The following USP48 variants were observed in gnomAD, a reference collection of about 807,000 sequenced individuals.
The protein encoded by USP48 is ubiquitin carboxyl-terminal hydrolase 48.
In USP48, 43 loss-of-function variants were observed where a neutral mutation model predicts 150.7. That is an observed-to-expected ratio of 0.29 (90% CI 0.22 to 0.37). The LOEUF is 0.37. Ranked by LOEUF, USP48 falls within the 10% of genes least tolerant of loss-of-function variation. The pLI, the probability that USP48 is intolerant of heterozygous loss-of-function variation, is 1.00. For missense variants in USP48, 813 were observed against 1,249.6 expected (o/e 0.65, Z 5.27); for synonymous variants, 396 against 425.9 (o/e 0.93, Z 0.86).
chr1:21,694,608 C>CA (rs1491189889), intron 23 of USP48, among the ~76,000 whole-genome samples: 322 of 29,008 alleles, frequency 0.011, 14 homozygotes, highest in African/African-American at 0.032. Context: ...AAAAAAAAAA[C>CA]CCCCTCTATC....
intron 22 of USP48, among the ~76,000 whole-genome samples, chr1:21,700,384 G>C (rs1432438648): frequency 2.6e-5 from 4 of 152,036 alleles, no homozygotes; most frequent in South Asian, 2.1e-4. Flanking sequence ...CCTTTACACC[G>C]GTTGGGAAAC....
chr1:21,697,162 A>C (rs968153074), intron 22 of USP48, among the ~76,000 whole-genome samples: 1 of 152,094 alleles, frequency 6.6e-6, no homozygotes, highest in African/African-American at 2.4e-5. Context: ...GCAGAAGGTG[A>C]TCAAGACCCA....
chr1:21,685,975 G>C (rs752510134), intron 25 of USP48: 1 of 152,078 alleles, frequency 6.6e-6, no homozygotes, highest in Non-Finnish European at 1.5e-5. Context: ...AAATTAGCTG[G>C]GTGTCATGGC....
At chr1:21,737,775 T>A (rs2097771817) in intron 8 of USP48, among the ~76,000 whole-genome samples, 1 of 152,216 alleles carries the variant, frequency 6.6e-6, no homozygotes, top group Non-Finnish European at 1.5e-5. Flanking sequence ...CTATATATAA[T>A]TACCATAATA....
intron 21 of USP48, among the ~76,000 whole-genome samples, chr1:21,701,819 A>G (rs2097657829): frequency 6.6e-6 from 1 of 152,194 alleles, no homozygotes. Flanking sequence ...TTCTTGTAGT[A>G]TTTAATGTGC....
At position 21,767,981 on chromosome 1, in the gene USP48, G is replaced by A. The variant is rs189280947; in HGVS notation, c.135-10198C>T. The stretch of plus-strand genomic sequence containing the variant: ...CCAGCACTCTGGGAGGCCGAGGCGG[G>A]TGGATCACAAGGTCAGGAGATCGAG... On this transcript the variant is annotated intron_variant, in intron 1 of 26. Coordinates refer to ENST00000308271, the MANE Select transcript of USP48 (RefSeq NM_032236.8). Among the ~76,000 whole-genome samples, 598 of 152,276 alleles carry A rather than the reference G, an allele frequency of 3.9e-3. 3 individuals carry two copies. Among genetic ancestry groups the A allele is most frequent in the Non-Finnish European group, 7.3e-3 (495 of 68,020 alleles).
At chr1:21,691,239 A>G (rs2097598926) in intron 23 of USP48, among the ~76,000 whole-genome samples, 1 of 149,724 alleles carries the variant, frequency 6.7e-6, no homozygotes, top group South Asian at 2.1e-4. Flanking sequence ...GCTTGAACCC[A>G]GGAGATGGAG....
chr1:21,742,202 G>A (rs529832629), intron 8 of USP48, among the ~76,000 whole-genome samples: 10 of 152,172 alleles, frequency 6.6e-5, no homozygotes, highest in African/African-American at 1.9e-4. Flanking sequence ...TCATGTTAAA[G>A]GTGAGCCAGA....
chr1:21,731,340 T>G lies in USP48; in HGVS notation c.1172-1508A>C, dbSNP rs1180671635. 3.9e-5 allele frequency among the ~76,000 whole-genome samples: 6 copies of G among 151,934 alleles called. No individual in the cohort carries two copies. In the East Asian group the frequency reaches 1.2e-3, roughly 30 times the overall value. On this transcript the variant is annotated intron_variant, in intron 9 of 26. Transcript: ENST00000308271. ...GTGGAATGGCACGATCTCAGTGTAC[T>G]GCAATCTCTGCCTCCCAGGTTCAAG...
At chr1:21,683,151 C>A (rs973677015) in intron 25 of USP48, among the ~76,000 whole-genome samples, 6 of 152,136 alleles carry the variant, frequency 3.9e-5, no homozygotes, top group African/African-American at 1.4e-4. Flanking sequence ...GTCCCAGCTA[C>A]TACTCAGGAG....
intron 15 of USP48, among the ~76,000 whole-genome samples, chr1:21,708,315 A>G (rs2097679111): frequency 6.6e-6 from 1 of 152,154 alleles, no homozygotes; most frequent in Non-Finnish European, 1.5e-5. Flanking sequence ...CCTGGCCAAC[A>G]TGGCGAAACC....
intron 1 of USP48, among the ~76,000 whole-genome samples, chr1:21,761,016 C>T (rs1209263999): frequency 6.6e-6 from 1 of 151,470 alleles, no homozygotes; most frequent in Non-Finnish European, 1.5e-5. Context: ...ACTGCTTGAG[C>T]CCAGCAGGGT....
At chr1:21,702,886 T>G (rs990255882) in intron 21 of USP48, among the ~76,000 whole-genome samples, 5 of 152,236 alleles carry the variant, frequency 3.3e-5, no homozygotes, top group Non-Finnish European at 7.3e-5. Context: ...GCAGCACAGA[T>G]ACAGAACCTA....
intron 14 of USP48, among the ~76,000 whole-genome samples, chr1:21,717,402 T>TA (rs945817908): frequency 7.3e-4 from 110 of 149,880 alleles, no homozygotes; most frequent in African/African-American, 2.3e-3. Context: ...AGATCCTGTC[T>TA]AAAAAAACAA....
chr1:21,682,599 AGGCGTAGTGGCTCAC>A (rs1336409627), intron 25 of USP48, among the ~76,000 whole-genome samples: 9 of 152,144 alleles, frequency 5.9e-5, no homozygotes, highest in Non-Finnish European at 1.3e-4. Context: ...TTTGTGGGCC[AGGCGTAGTGGCTCAC>A]GCCTGTAATC....
Position 21,679,449 on chromosome 1 carries a change from G to C in USP48, c.3086-10C>G, listed in dbSNP as rs768595908. On this transcript the variant is annotated splice_polypyrimidine_tract_variant and intron_variant, in intron 26 of 26. Transcript: ENST00000308271. Reference sequence around the variant, plus strand: ...CCAAGAAGACCAGTACCTGGGAAAAGAAACACACGTGGAGGGATAGTTGTG... The same window carrying C: ...CCAAGAAGACCAGTACCTGGGAAAACAAACACACGTGGAGGGATAGTTGTG... The C allele has an allele frequency of 2.5e-6, 4 of 1,613,980 alleles. No individual in the cohort carries two copies. The East Asian group carries it at 8.9e-5, about 36-fold the overall frequency.
intron 11 of USP48, chr1:21,724,781 C>T (rs974132604): frequency 2.6e-5 from 4 of 152,126 alleles, no homozygotes; most frequent in South Asian, 2.1e-4. Context: ...ACTGAGTCAT[C>T]AATTTTGAAG....
intron 20 of USP48, 128 bp downstream of exon 20, chr1:21,704,132 TGA>T (rs1175028782): frequency 4.0e-6 from 4 of 995,324 alleles, no homozygotes; most frequent in African/African-American, 3.3e-5. Context: ...ATGATTATAA[TGA>T]GAGTTTCCAC....
intron 24 of USP48, among the ~76,000 whole-genome samples, chr1:21,688,842 CAA>C (rs1185263002): frequency 5.6e-5 from 5 of 88,968 alleles, no homozygotes; most frequent in Non-Finnish European, 8.6e-5. Context: ...GACTCCATCT[CAA>C]AAAAAAAAAA....
Sources: gnomAD v4.1 joint callset for allele counts (sites outside exome capture counted in the v4.1 genomes callset) on GRCh38, gnomAD v4.1.1 for gene constraint, MANE v1.5 for transcripts, NCBI Gene and HGNC (gene_info 2026-07-23, HGNC 2026-07-21) for gene names.